The following NFIA variants were observed in gnomAD, a reference collection of about 807,000 sequenced individuals.
NFIA encodes nuclear factor I A, also known as nuclear factor 1 A-type.
NFIA carries 8 observed loss-of-function variants against 62.8 expected under a neutral mutation model. That is an observed-to-expected ratio of 0.13 (90% confidence interval 0.07 to 0.23). NFIA has a LOEUF of 0.23. Ranked by LOEUF, NFIA falls within the 10% of genes least tolerant of loss-of-function variation. The pLI, the probability that NFIA is intolerant of heterozygous loss-of-function variation, is 1.00. For missense variants in NFIA, 410 were observed against 642.1 expected (o/e 0.64, Z 3.91); for synonymous variants, 235 against 238.1 (o/e 0.99, Z 0.12).
chr1:61,210,026 A>G (rs1468198953), intron 2 of NFIA, among the ~76,000 whole-genome samples: 1 of 152,228 alleles, frequency 6.6e-6, no homozygotes, highest in Non-Finnish European at 1.5e-5. Context: ...ATTTATGATT[A>G]TGAATACAGA....
chr1:61,379,366 G>A (rs1664297439), intron 6 of NFIA, among the ~76,000 whole-genome samples: 1 of 150,424 alleles, frequency 6.6e-6, no homozygotes. Context: ...GGGACTGTAG[G>A]CATATACCAC....
intron 3 of NFIA, among the ~76,000 whole-genome samples, chr1:61,319,790 AACACACACACACACACACACACACACAC>A (rs58845526): frequency 7.2e-6 from 1 of 139,524 alleles, no homozygotes; most frequent in African/African-American, 2.8e-5. Context: ...GGAAGAATTA[AACACACACACACACACACACACACACAC>A]ACACACACAC....
At chr1:61,180,726 A>G (rs1650705445) in intron 2 of NFIA, among the ~76,000 whole-genome samples, 1 of 152,188 alleles carries the variant, frequency 6.6e-6, no homozygotes, top group Admixed American at 6.5e-5. Flanking sequence ...TTCAGCTTCT[A>G]TCTAGGTGGA....
chr1:61,103,025 A>C (rs914442249), intron 2 of NFIA, among the ~76,000 whole-genome samples: 1 of 152,206 alleles, frequency 6.6e-6, no homozygotes, highest in African/African-American at 2.4e-5. Context: ...TCTTATTTGT[A>C]ATCAAAACAG....
chr1:61,127,313 C>A (rs1051903990), intron 2 of NFIA, among the ~76,000 whole-genome samples: 1 of 151,712 alleles, frequency 6.6e-6, no homozygotes, highest in African/African-American at 2.4e-5. Context: ...AAAAATTAGC[C>A]GGGCATGGTG....
At chr1:61,196,943 G>GCA (rs1557629715) in intron 2 of NFIA, among the ~76,000 whole-genome samples, 1,522 of 135,302 alleles carry the variant, frequency 0.011, 30 homozygotes, top group African/African-American at 0.041. Flanking sequence ...GTGTGTGTGC[G>GCA]CGCGCGCGCT....
At chr1:61,184,268 C>A (rs1650986862) in intron 2 of NFIA, among the ~76,000 whole-genome samples, 1 of 152,184 alleles carries the variant, frequency 6.6e-6, no homozygotes, top group African/African-American at 2.4e-5. Context: ...GGGCGACGTT[C>A]CGCTCCTTAC....
chr1:61,347,468 C>G (rs975001770), intron 4 of NFIA, among the ~76,000 whole-genome samples: 1 of 152,082 alleles, frequency 6.6e-6, no homozygotes. Flanking sequence ...CCACCGTGCC[C>G]GGCCCACTTT....
At chr1:61,097,277 A>G (rs895358745) in intron 2 of NFIA, among the ~76,000 whole-genome samples, 1 of 152,260 alleles carries the variant, frequency 6.6e-6, no homozygotes, top group East Asian at 1.9e-4. Context: ...CCAGACATAG[A>G]CAGTTCTCAG....
intron 9 of NFIA, among the ~76,000 whole-genome samples, chr1:61,416,782 G>A (rs1666367432): frequency 6.6e-6 from 1 of 152,118 alleles, no homozygotes; most frequent in South Asian, 2.1e-4. Context: ...TAAAGAAGAT[G>A]AAACGGAGCA....
intron 3 of NFIA, among the ~76,000 whole-genome samples, chr1:61,329,119 C>T (rs982580641): frequency 6.7e-6 from 1 of 148,934 alleles, no homozygotes; most frequent in African/African-American, 2.5e-5. Context: ...GCGATCTTGG[C>T]TCGCTGCAAC....
At chr1:61,417,772 T>G (rs1666421079) in intron 9 of NFIA, among the ~76,000 whole-genome samples, 1 of 152,224 alleles carries the variant, frequency 6.6e-6, no homozygotes, top group South Asian at 2.1e-4. Flanking sequence ...TTTAGTGTTT[T>G]TCTTTACTTG....
intron 2 of NFIA, among the ~76,000 whole-genome samples, chr1:61,174,091 C>G (rs933634884): frequency 1.3e-5 from 2 of 152,200 alleles, no homozygotes; most frequent in Non-Finnish European, 2.9e-5. Context: ...TGTTTGTTAT[C>G]TTTCAGCTTT....
At chr1:61,110,396 A>G (rs780258418) in intron 2 of NFIA, among the ~76,000 whole-genome samples, 3 of 152,036 alleles carry the variant, frequency 2.0e-5, no homozygotes, top group Non-Finnish European at 2.9e-5. Context: ...TATAGTTCAC[A>G]TAGAGATTAT....
At chr1:61,262,236 C>T (rs1484886509) in intron 2 of NFIA, among the ~76,000 whole-genome samples, 1 of 152,142 alleles carries the variant, frequency 6.6e-6, no homozygotes, top group Non-Finnish European at 1.5e-5. Flanking sequence ...TTTTGTTTCA[C>T]TCCCAATTAC....
At chr1:61,188,998 C>T (rs12126390) in intron 2 of NFIA, among the ~76,000 whole-genome samples, 11,923 of 152,044 alleles carry the variant, frequency 0.078, 642 homozygotes, top group South Asian at 0.14. Flanking sequence ...TAAAAAATGG[C>T]CAGTATGGTG....
In NFIA at chr1:61,462,256, G is replaced by T. The variant is rs184299616; in HGVS notation, c.*6936G>T. 1 of 151,952 alleles carries T rather than the reference G, an allele frequency of 6.6e-6. No individual in the cohort carries two copies. Among genetic ancestry groups the T allele is most frequent in the East Asian group, 1.9e-4 (1 of 5,148 alleles). The allele number at this position is 151,952 out of a possible 1,614,324, so 9.4% of individuals were successfully genotyped here. ...CTAGGAGCTTTATCAGGTTCTAGGA[G>T]GTCCTTTAGGAAGACTCTCAAAGGC... On this transcript the variant is annotated 3_prime_UTR_variant, in exon 11 of 11. Transcript: ENST00000403491.
rs116318644 is a variant in NFIA at position 61,415,805 on chromosome 1, C to T, written c.1420+9078C>T. Among the ~76,000 whole-genome samples the T allele has an allele frequency of 9.0e-3, 1,361 of 152,046 alleles. 12 individuals are homozygous for T. Among genetic ancestry groups the T allele is most frequent in the Non-Finnish European group, 0.013 (871 of 67,950 alleles). On this transcript the variant is annotated intron_variant, in intron 9 of 10. Coordinates refer to ENST00000403491, the MANE Select transcript of NFIA (RefSeq NM_001134673.4). ...ACAAAAACATGTTTACATTTTGTACCTATATTAGTACATATATAAATTTTA... is the reference window on the plus strand; with the variant it reads ...ACAAAAACATGTTTACATTTTGTACTTATATTAGTACATATATAAATTTTA...
intron 2 of NFIA, among the ~76,000 whole-genome samples, chr1:61,089,695 C>CTTTTTCT (rs1646283451): frequency 9.3e-6 from 1 of 107,750 alleles, no homozygotes; most frequent in African/African-American, 3.5e-5. Context: ...GTTTTTTTTT[C>CTTTTTCT]TTTTTTTTTT....
Sources: gnomAD v4.1 joint callset for allele counts (sites outside exome capture counted in the v4.1 genomes callset) on GRCh38, gnomAD v4.1.1 for gene constraint, MANE v1.5 for transcripts, NCBI Gene and HGNC (gene_info 2026-07-23, HGNC 2026-07-21) for gene names.